The following TSPAN7 variants were observed in gnomAD, a reference collection of about 807,000 sequenced individuals.
TSPAN7 encodes tetraspanin 7, also known as tetraspanin-7.
A neutral mutation model predicts 17.6 loss-of-function variants in TSPAN7; 1 was observed. The ratio of observed to expected loss-of-function variants is 0.06; its 90% CI spans 0.02 to 0.27. TSPAN7 has a LOEUF of 0.27. TSPAN7 is among the 10% of genes least tolerant of loss of function. TSPAN7 has a pLI of 1.00. For missense variants in TSPAN7, 112 were observed against 201.7 expected (o/e 0.56, Z 2.69); for synonymous variants, 78 against 79.0 (o/e 0.99, Z 0.07).
intron 1 of TSPAN7, among the ~76,000 whole-genome samples, chrX:38,620,861 T>C (rs1396955751): frequency 1.8e-5 from 2 of 112,334 alleles, no homozygotes; most frequent in Non-Finnish European, 3.8e-5. Context: ...AATTCCTGAC[T>C]CATGAAGGGC....
chrX:38,564,123 C>T (rs1178219756), intron 1 of TSPAN7, among the ~76,000 whole-genome samples: 2 of 110,011 alleles, frequency 1.8e-5, no homozygotes, highest in African/African-American at 6.6e-5. Flanking sequence ...TCCCGTTTAC[C>T]CCCCAATTTC....
At chrX:38,647,401 G>A (rs1200026275) in intron 1 of TSPAN7, among the ~76,000 whole-genome samples, 1 of 112,036 alleles carries the variant, frequency 8.9e-6, no homozygotes, top group African/African-American at 3.2e-5. Context: ...ACAGGCATAA[G>A]CCACCGTGCC....
At chrX:38,675,580 C>T (rs866206991) in intron 4 of TSPAN7, 125 bp from the exon 5 acceptor site, 3 of 818,054 alleles carry the variant, frequency 3.7e-6, no homozygotes, top group Non-Finnish European at 5.4e-6. Context: ...TCTTGACTCA[C>T]CAAAGCTGCA....
chrX:38,562,365 T>G (rs1285159270), intron 1 of TSPAN7, among the ~76,000 whole-genome samples: 1 of 111,198 alleles, frequency 9.0e-6, no homozygotes, highest in East Asian at 2.8e-4. Context: ...ATGAGCACAA[T>G]CCGCAGCGCC....
chrX:38,684,015 G>T (rs762551034), intron 6 of TSPAN7, among the ~76,000 whole-genome samples: 1 of 112,215 alleles, frequency 8.9e-6, no homozygotes. Flanking sequence ...AACAGAGCTC[G>T]CTCTCTCTCT....
chrX:38,676,008 G>C (rs998758580), intron 5 of TSPAN7, 148 bp downstream of exon 5: 3 of 692,148 alleles, frequency 4.3e-6, no homozygotes, highest in Non-Finnish European at 4.4e-6. Flanking sequence ...CCTGGGAGAG[G>C]CACTTGAGGC....
intron 1 of TSPAN7, among the ~76,000 whole-genome samples, chrX:38,657,917 A>G (rs764273786): frequency 3.0e-4 from 34 of 112,082 alleles, no homozygotes; most frequent in Non-Finnish European, 4.3e-4. Context: ...GTGATTTGTT[A>G]TACCTTGTTA....
intron 1 of TSPAN7, among the ~76,000 whole-genome samples, chrX:38,583,302 T>C (rs932431593): frequency 8.9e-6 from 1 of 112,326 alleles, no homozygotes; most frequent in Non-Finnish European, 1.9e-5. Context: ...GCCTTGCCTT[T>C]TTTGACACGC....
chrX:38,594,826 C>T (rs1046128951), intron 1 of TSPAN7, among the ~76,000 whole-genome samples: 3 of 111,746 alleles, frequency 2.7e-5, no homozygotes. Context: ...TATCCATTAT[C>T]GCTCAGAGTT....
intron 1 of TSPAN7, among the ~76,000 whole-genome samples, chrX:38,650,697 G>T (rs2069671354): frequency 8.9e-6 from 1 of 112,158 alleles, no homozygotes; most frequent in African/African-American, 3.2e-5. Context: ...AAGTTGTTTT[G>T]GTGACTCTTG....
chrX:38,565,791 A>ACT (rs2069139781), intron 1 of TSPAN7, among the ~76,000 whole-genome samples: 1 of 110,846 alleles, frequency 9.0e-6, no homozygotes, highest in Non-Finnish European at 1.9e-5. Context: ...CTATAATCAC[A>ACT]CTCTCTCTCT....
chrX:38,654,755 C>T (rs2069692840), intron 1 of TSPAN7, among the ~76,000 whole-genome samples: 1 of 112,183 alleles, frequency 8.9e-6, no homozygotes, highest in Admixed American at 9.4e-5. Context: ...ATCCTGCCCT[C>T]ACAGAACTTA....
chrX:38,574,351 A>G (rs187894786), intron 1 of TSPAN7, among the ~76,000 whole-genome samples: 9 of 112,323 alleles, frequency 8.0e-5, no homozygotes, highest in Non-Finnish European at 1.1e-4. Flanking sequence ...ATGTTAGGAA[A>G]AAACTACTAA....
intron 1 of TSPAN7, among the ~76,000 whole-genome samples, chrX:38,610,103 A>G (rs1333293333): frequency 1.8e-5 from 2 of 112,005 alleles, no homozygotes; most frequent in East Asian, 5.6e-4. Context: ...AACTGGCTTG[A>G]CAGTTTATCC....
At chrX:38,632,016 A>ATT (rs920710933) in intron 1 of TSPAN7, among the ~76,000 whole-genome samples, 1 of 108,693 alleles carries the variant, frequency 9.2e-6, no homozygotes, top group Non-Finnish European at 1.9e-5. Flanking sequence ...ATCTTTTGCA[A>ATT]TTTTTTTTTT....
In TSPAN7 at chrX:38,668,860, A is replaced by G. The variant is rs780605334; in HGVS notation, c.271-2516A>G. On this transcript the variant is annotated intron_variant, in intron 2 of 7. Transcript: ENST00000378482. ...TTGAGGAACCTCTACTCTGTTATCC[A>G]TAGTGGTTGTACTAATTTACATTCC... Among the ~76,000 whole-genome samples the G allele has an allele frequency of 3.6e-5, 4 of 111,653 alleles. No homozygotes were observed. The South Asian group carries it at 1.1e-3, about 31-fold the overall frequency.
At chrX:38,666,347 T>C (rs767573195) in intron 2 of TSPAN7, 38 bp downstream of exon 2, 23 of 1,179,378 alleles carry the variant, frequency 2.0e-5, no homozygotes, top group Middle Eastern at 2.3e-4. Context: ...TTCTCAACTA[T>C]ATTTTTGTAA....
At chrX:38,623,347 G>A (rs2069500071) in intron 1 of TSPAN7, among the ~76,000 whole-genome samples, 1 of 110,907 alleles carries the variant, frequency 9.0e-6, no homozygotes, top group Non-Finnish European at 1.9e-5. Context: ...TCATGAAGAG[G>A]ATTCAACTTC....
At chrX:38,631,891 G>C (rs937807506) in intron 1 of TSPAN7, among the ~76,000 whole-genome samples, 13 of 112,145 alleles carry the variant, frequency 1.2e-4, no homozygotes, top group Non-Finnish European at 1.9e-5. Context: ...CTTATGCAAA[G>C]TTAAACATAC....
Sources: allele counts gnomAD v4.1 joint callset (sites outside exome capture counted in the v4.1 genomes callset), GRCh38; gene constraint gnomAD v4.1.1; transcripts MANE v1.5; gene names NCBI Gene and HGNC (gene_info 2026-07-23, HGNC 2026-07-21).